RAB37: variants seen among roughly 807,000 people sequenced by gnomAD.
The protein encoded by RAB37 is ras-related protein Rab-37.
Under a neutral mutation model 33.1 loss-of-function variants are expected in RAB37, and 29 were observed. That is an observed-to-expected ratio of 0.88 (90% CI 0.65 to 1.20). The LOEUF is 1.20. Ranked by LOEUF, RAB37 falls within the 50% of genes most tolerant of loss-of-function variation. The probability of loss-of-function intolerance (pLI) is 0.00; values close to 1 mark genes in which losing one functional copy is unlikely to be tolerated. For synonymous variants in RAB37, 128 were observed against 119.5 expected, an observed-to-expected ratio of 1.07 and a Z score of -0.47; for missense variants, 299 against 301.1, an observed-to-expected ratio of 0.99 and a Z score of 0.05.
intron 1 of RAB37, among the ~76,000 whole-genome samples, chr17:74,723,373 C>T (rs1488562745): frequency 6.6e-6 from 1 of 151,830 alleles, no homozygotes; most frequent in Non-Finnish European, 1.5e-5. Flanking sequence ...ACACACACCC[C>T]TATTCTTTGT....
rs570308296 is a variant in RAB37 at position 74,690,403 on chromosome 17, A to G, written c.72+18745A>G. ...TTTAACACAATGTGCTTTCCTGGAA[A>G]TCATATAACAAGATAGTAAATGCTA... is the stretch of plus-strand genomic sequence containing the variant. On this transcript the variant is annotated intron_variant, in intron 1 of 7. Transcript: ENST00000340415. Among the ~76,000 whole-genome samples the G allele has an allele frequency of 4.6e-5, 7 of 152,210 alleles. No homozygotes were observed. The South Asian group carries it at 1.5e-3, about 32-fold the overall frequency.
In RAB37 at chr17:74,671,422, C is replaced by A. The variant is rs1030298283; in HGVS notation, c.-165C>A. The stretch of plus-strand genomic sequence containing the variant: ...ACGTGGCCGCCTGCCCGCCTGGTAC[C>A]GCGCCGCGGCCGCTGCGGGGAACTG... On this transcript the variant is annotated 5_prime_UTR_variant, in exon 1 of 8. Coordinates refer to the RAB37 transcript ENST00000340415. This position sits in a 1 kb window ranked among gnomAD's most constrained non-coding sequence, Gnocchi z 5.0. 7.0e-5 allele frequency: 44 copies of A among 631,524 alleles called. No individual in the cohort carries two copies. Among genetic ancestry groups the A allele is most frequent in the Non-Finnish European group, 1.1e-4 (41 of 365,060 alleles). The allele number at this position is 631,524 out of a possible 1,614,324, so 39.1% of individuals were successfully genotyped here.
upstream of RAB37, chr17:74,736,502 C>T (rs1472630573): frequency 2.8e-6 from 4 of 1,414,342 alleles, no homozygotes; most frequent in Admixed American, 5.8e-5. Context: ...TATTTGGCTC[C>T]TCCTCGGGGC....
chr17:74,739,883 G>A (rs1023284686), intron 1 of RAB37, among the ~76,000 whole-genome samples: 3 of 152,054 alleles, frequency 2.0e-5, no homozygotes, highest in Admixed American at 6.5e-5. Context: ...CCAGTCAGGC[G>A]CGGTGGCTCA....
chr17:74,744,759 C>T lies in RAB37; in HGVS notation c.433-114C>T. 7.9e-7 allele frequency: 1 copy of T among 1,258,194 alleles called. No homozygotes were observed. The highest frequency in any genetic ancestry group is 1.2e-6 in the Non-Finnish European group (1 of 858,300). The allele number at this position is 1,258,194 out of a possible 1,614,324, so 77.9% of individuals were successfully genotyped here. On this transcript the variant is annotated intron_variant, in intron 6 of 8. Transcript: ENST00000392613. This position sits in a 1 kb window ranked among gnomAD's most constrained non-coding sequence, Gnocchi z 4.2. ...CTGGCCCCAGGCCAATCACACCTGC[C>T]TGCAGTCCCTTGGGCCACCAGCAGA...
intron 1 of RAB37, among the ~76,000 whole-genome samples, chr17:74,703,736 T>G (rs1328598687): frequency 6.6e-6 from 1 of 152,156 alleles, no homozygotes; most frequent in African/African-American, 2.4e-5. Flanking sequence ...CCCCAAGGAC[T>G]GTGGTGCTCC....
chr17:74,712,607 G>T (rs1459291825), intron 1 of RAB37, among the ~76,000 whole-genome samples: 2 of 152,240 alleles, frequency 1.3e-5, no homozygotes, highest in Admixed American at 1.3e-4. Context: ...GCCCCTGGGG[G>T]TCAGGAATTC....
chr17:74,715,952 C>T (rs1294393428), intron 1 of RAB37, among the ~76,000 whole-genome samples: 1 of 152,170 alleles, frequency 6.6e-6, no homozygotes, highest in African/African-American at 2.4e-5. Context: ...ATTGCTTGAA[C>T]CCGGGAGGCA....
At position 74,744,430 on chromosome 17, in the gene RAB37, C is replaced by T. The variant is rs2034700287; in HGVS notation, c.432+57C>T. 1 of 1,527,920 alleles carries T rather than the reference C, an allele frequency of 6.5e-7. No homozygotes were observed. Among genetic ancestry groups the T allele is most frequent in the Non-Finnish European group, 9.1e-7 (1 of 1,101,648 alleles). 94.6% of individuals were successfully genotyped at this position (1,527,920 alleles called of 1,614,324 possible). ...CCTGCACTTCCTCAGCCCTAGCCGG[C>T]CCCATAACCACCCAAGAACAGTTAT... On this transcript the variant is annotated intron_variant, in intron 6 of 8. Transcript: ENST00000392613. This position sits in a 1 kb window ranked among gnomAD's most constrained non-coding sequence, Gnocchi z 4.2.
At chr17:74,698,346 C>G in intron 1 of RAB37, 1 of 1,548,930 alleles carries the variant, frequency 6.5e-7, no homozygotes, top group South Asian at 1.1e-5. Context: ...AGTCTCAGCC[C>G]AGCCTCACCC....
chr17:74,736,734 G>C (rs1289935545), upstream of RAB37: 1 of 1,535,736 alleles, frequency 6.5e-7, no homozygotes. Flanking sequence ...GCTGCAAGGC[G>C]AGTACGGGTT....
At chr17:74,694,929 C>G (rs2032282457) in intron 1 of RAB37, 1 of 642,552 alleles carries the variant, frequency 1.6e-6, no homozygotes, top group South Asian at 2.5e-5. Context: ...CTAGAAGCCC[C>G]CTGAGACTTG....
chr17:74,736,555 G>A (rs2034477390), upstream of RAB37: 3 of 1,478,720 alleles, frequency 2.0e-6, no homozygotes, highest in African/African-American at 1.4e-5. Context: ...CCCGCCTTCA[G>A]GAGCGGTCCA....
chr17:74,744,674 T>C lies in RAB37; in HGVS notation c.433-199T>C. ...AGGGTTAGCCCCAACTGCTGTCCTA[T>C]TCCAAGACCCTTTACCAAAGGTGAG... On this transcript the variant is annotated intron_variant, in intron 6 of 8. Transcript: ENST00000392613. The surrounding 1 kb of genome is among the most constrained non-coding windows in gnomAD (Gnocchi z 4.2). 1 of 668,518 alleles carries C rather than the reference T, an allele frequency of 1.5e-6. No homozygotes were observed. The highest frequency in any genetic ancestry group is 2.6e-6 in the Non-Finnish European group (1 of 383,544). The allele number at this position is 668,518 out of a possible 1,614,324, so 41.4% of individuals were successfully genotyped here. A position where few individuals can be genotyped will look rare whatever the true frequency, so the allele number is the denominator to read the frequency against.
chr17:74,676,688 C>T lies in RAB37; in HGVS notation c.72+5030C>T, dbSNP rs1481899622. Among the ~76,000 whole-genome samples, 1 of 152,198 alleles carries T rather than the reference C, an allele frequency of 6.6e-6. No homozygotes were observed. Among genetic ancestry groups the T allele is most frequent in the Non-Finnish European group, 1.5e-5 (1 of 68,050 alleles). On this transcript the variant is annotated intron_variant, in intron 1 of 7. Transcript: ENST00000340415. The surrounding 1 kb of genome is among the most constrained non-coding windows in gnomAD (Gnocchi z 4.1). ...AGAATATAGACGCAAATGATTCCCA[C>T]CTTCACTAAGCCTGTGGCCTAGAAG...
chr17:74,736,621 TC>T, upstream of RAB37: 1 of 1,534,404 alleles, frequency 6.5e-7, no homozygotes, highest in Non-Finnish European at 8.7e-7. Context: ...GGTGGGACAT[TC>T]TGGGCACAAC....
intron 2 of RAB37, 87 bp downstream of exon 2, chr17:74,740,965 G>T (rs970238538): frequency 5.1e-6 from 5 of 976,098 alleles, no homozygotes; most frequent in Non-Finnish European, 8.2e-6. Context: ...TGCTCACCCT[G>T]GCTCCCAGGG....
upstream of RAB37, among the ~76,000 whole-genome samples, chr17:74,734,753 G>A (rs2144044954): frequency 6.6e-6 from 1 of 152,116 alleles, no homozygotes. Flanking sequence ...TGAGGCAGGA[G>A]GAGAATGGCT....
At chr17:74,740,265 AC>A (rs2034580806) in intron 1 of RAB37, among the ~76,000 whole-genome samples, 2 of 151,246 alleles carry the variant, frequency 1.3e-5, no homozygotes, top group South Asian at 4.2e-4. Flanking sequence ...ACCATGCCCC[AC>A]CCCCAGCAGA....
Sources: gnomAD v4.1 joint callset for allele counts (sites outside exome capture counted in the v4.1 genomes callset) on GRCh38, gnomAD v4.1.1 for gene constraint, Gnocchi (gnomAD v3.1) non-coding constraint, MANE v1.5 for transcripts, NCBI Gene and HGNC (gene_info 2026-07-23, HGNC 2026-07-21) for gene names.